Variants in GPATCH2 observed in about 807,000 individuals in gnomAD.
The protein encoded by GPATCH2 is G patch domain-containing protein 2.
Under a neutral mutation model 58.0 loss-of-function variants are expected in GPATCH2, and 51 were observed. That is an observed-to-expected ratio of 0.88 (90% CI 0.70 to 1.11). The LOEUF (loss-of-function observed/expected upper bound fraction) is 1.11, where lower values mean the gene tolerates loss of function less well. GPATCH2 is among the 50% of genes most tolerant of loss of function. The pLI is 0.00. For synonymous variants in GPATCH2, 222 were observed against 218.5 expected (o/e 1.02, Z -0.14); for missense variants, 625 against 652.2 (o/e 0.96, Z 0.45).
At chr1:217,551,710 G>T (rs1030713557) in intron 5 of GPATCH2, among the ~76,000 whole-genome samples, 2 of 152,114 alleles carry the variant, frequency 1.3e-5, no homozygotes, top group Non-Finnish European at 2.9e-5. Context: ...ATGTTAGGCA[G>T]AAATCATGTT....
chr1:217,576,832 T>C (rs1027947929), intron 5 of GPATCH2, among the ~76,000 whole-genome samples: 4 of 152,116 alleles, frequency 2.6e-5, no homozygotes, highest in African/African-American at 4.8e-5. Context: ...CCAATTACTG[T>C]TGTTAAAGTG....
chr1:217,440,689 A>G (rs1659092391), intron 9 of GPATCH2, among the ~76,000 whole-genome samples: 1 of 152,240 alleles, frequency 6.6e-6, no homozygotes, highest in African/African-American at 2.4e-5. Context: ...CAATGTGCAA[A>G]AATCACAAGC....
At chr1:217,571,703 C>CAAAAAAAAAAAAAAAAAAAAAAAAA (rs11463536) in intron 5 of GPATCH2, among the ~76,000 whole-genome samples, 37 of 73,792 alleles carry the variant, frequency 5.0e-4, no homozygotes, top group Middle Eastern at 8.8e-3. Context: ...AAAACGAAAC[C>CAAAAAAAAAAAAAAAAAAAAAAAAA]AAAAAAAAAA....
intron 8 of GPATCH2, among the ~76,000 whole-genome samples, chr1:217,462,056 G>C (rs1660223059): frequency 6.6e-6 from 1 of 152,136 alleles, no homozygotes; most frequent in Non-Finnish European, 1.5e-5. Context: ...GAAATAACTG[G>C]AAAGTTGGGG....
chr1:217,488,903 A>G (rs993466472), intron 8 of GPATCH2, among the ~76,000 whole-genome samples: 1 of 150,590 alleles, frequency 6.6e-6, no homozygotes, highest in African/African-American at 2.4e-5. Context: ...CATGTTGCCC[A>G]TGGTGGTCTC....
At position 217,599,826 on chromosome 1, in the gene GPATCH2, T is replaced by C. The variant is rs146571534; in HGVS notation, c.1098+10495A>G. On this transcript the variant is annotated intron_variant, in intron 5 of 9. Transcript: ENST00000366935. ...AATACTTTTGTGAATTTTTATAAAG[T>C]ATTTTTGTGAATTGAAAAATTAGAA... is the stretch of plus-strand genomic sequence containing the variant. 2.6e-5 allele frequency among the ~76,000 whole-genome samples: 4 copies of C among 152,340 alleles called. No individual in the cohort carries two copies. The East Asian group carries it at 7.7e-4, about 29-fold the overall frequency.
chr1:217,557,297 T>C (rs965191589), intron 5 of GPATCH2, among the ~76,000 whole-genome samples: 1 of 151,476 alleles, frequency 6.6e-6, no homozygotes, highest in Non-Finnish European at 1.5e-5. Flanking sequence ...ATCCCAGCTA[T>C]TCAGGTAGCT....
chr1:217,524,084 C>T lies in GPATCH2; in HGVS notation c.1099-9195G>A, dbSNP rs549740834. Among the ~76,000 whole-genome samples, 369 of 150,382 alleles carry T rather than the reference C, an allele frequency of 2.5e-3. 3 individuals are homozygous for T. The highest frequency in any genetic ancestry group is 2.9e-3 in the Non-Finnish European group (194 of 67,608). On this transcript the variant is annotated intron_variant, in intron 5 of 9. Coordinates refer to ENST00000366935, the MANE Select transcript of GPATCH2 (RefSeq NM_018040.5). ...GGCTGGCCAGGCGGGGGGCTGACCC[C>T]CCCACCTCCCTCCCAGACGGGGTGG...
intron 5 of GPATCH2, among the ~76,000 whole-genome samples, chr1:217,545,931 C>T (rs1665022100): frequency 6.6e-6 from 1 of 152,198 alleles, no homozygotes; most frequent in African/African-American, 2.4e-5. Flanking sequence ...CAATAATTTT[C>T]TCTGGGTAAA....
At chr1:217,465,480 T>A (rs1251458409) in intron 8 of GPATCH2, among the ~76,000 whole-genome samples, 2 of 152,166 alleles carry the variant, frequency 1.3e-5, no homozygotes, top group Non-Finnish European at 2.9e-5. Flanking sequence ...TTGAATTGTA[T>A]CTCCCACAAT....
intron 8 of GPATCH2, among the ~76,000 whole-genome samples, chr1:217,458,511 G>T (rs989122995): frequency 6.6e-6 from 1 of 152,104 alleles, no homozygotes; most frequent in African/African-American, 2.4e-5. Flanking sequence ...AATGTTGAAT[G>T]GGGTTTCTAA....
At chr1:217,489,791 G>A (rs959210993) in intron 8 of GPATCH2, among the ~76,000 whole-genome samples, 3 of 152,236 alleles carry the variant, frequency 2.0e-5, no homozygotes, top group Non-Finnish European at 4.4e-5. Flanking sequence ...GAACCCGAGA[G>A]GCGGAGGTTG....
intron 5 of GPATCH2, 67 bp downstream of exon 5, chr1:217,610,254 G>T (rs1038823015): frequency 6.7e-7 from 1 of 1,490,634 alleles, no homozygotes; most frequent in African/African-American, 1.4e-5. Context: ...ATGAGGATGT[G>T]GCTTTTTATT....
At chr1:217,628,618 A>G (rs1307356632) in intron 1 of GPATCH2, among the ~76,000 whole-genome samples, 2 of 151,978 alleles carry the variant, frequency 1.3e-5, no homozygotes, top group African/African-American at 4.8e-5. Flanking sequence ...TGCAGAAACA[A>G]AAGTCCAGAG....
intron 5 of GPATCH2, among the ~76,000 whole-genome samples, chr1:217,584,554 G>A (rs1437396340): frequency 6.6e-6 from 1 of 151,316 alleles, no homozygotes; most frequent in African/African-American, 2.4e-5. Flanking sequence ...CAAAATTATT[G>A]TTCTAAAGTC....
At chr1:217,483,105 T>C (rs1428054739) in intron 8 of GPATCH2, among the ~76,000 whole-genome samples, 1 of 152,236 alleles carries the variant, frequency 6.6e-6, no homozygotes, top group Admixed American at 6.5e-5. Flanking sequence ...GAAGTTTTAG[T>C]ATATATTGGT....
At chr1:217,544,518 GCCTAAGTAAACCCTAAT>G (rs1664930544) in intron 5 of GPATCH2, among the ~76,000 whole-genome samples, 1 of 152,090 alleles carries the variant, frequency 6.6e-6, no homozygotes, top group Admixed American at 6.5e-5. Context: ...CCACACACCA[GCCTAAGTAAACCCTAAT>G]CAGAAGCAAA....
chr1:217,628,855 G>T (rs1394253178), intron 1 of GPATCH2, among the ~76,000 whole-genome samples: 1 of 151,982 alleles, frequency 6.6e-6, no homozygotes, highest in Non-Finnish European at 1.5e-5. Context: ...GCATCTAACT[G>T]CTAGGTTACA....
chr1:217,586,652 A>G (rs1667355611), intron 5 of GPATCH2, among the ~76,000 whole-genome samples: 2 of 152,178 alleles, frequency 1.3e-5, no homozygotes, highest in Non-Finnish European at 2.9e-5. Flanking sequence ...AAACATGTAA[A>G]CCTACTAATA....
Sources: gnomAD v4.1 joint callset for allele counts (sites outside exome capture counted in the v4.1 genomes callset) on GRCh38, gnomAD v4.1.1 for gene constraint, MANE v1.5 for transcripts, NCBI Gene and HGNC (gene_info 2026-07-23, HGNC 2026-07-21) for gene names.